The following TOP2B variants were observed in gnomAD, a reference collection of about 807,000 sequenced individuals.
TOP2B encodes the protein DNA topoisomerase 2-beta.
In TOP2B, 51 loss-of-function variants were observed where a neutral mutation model predicts 193.5. The observed-to-expected ratio is 0.26, with a 90% CI of 0.21 to 0.33. TOP2B has a LOEUF of 0.33. Among genes scored for constraint, TOP2B ranks in the 10% least tolerant of loss-of-function variants. The probability of loss-of-function intolerance (pLI) is 1.00; values close to 1 mark genes in which losing one functional copy is unlikely to be tolerated. For missense variants in TOP2B, 1,378 were observed against 1,909.3 expected, an observed-to-expected ratio of 0.72 and a Z score of 5.19; for synonymous variants, 634 against 635.7, an observed-to-expected ratio of 1.00 and a Z score of 0.04.
chr3:25,606,532 C>G (rs1702241735), intron 31 of TOP2B, among the ~76,000 whole-genome samples: 1 of 152,074 alleles, frequency 6.6e-6, no homozygotes, highest in Non-Finnish European at 1.5e-5. Flanking sequence ...AGGAAAAAGA[C>G]AGAATTCCCA....
intron 33 of TOP2B, among the ~76,000 whole-genome samples, chr3:25,603,377 T>C (rs911065215): frequency 6.6e-6 from 1 of 152,066 alleles, no homozygotes; most frequent in African/African-American, 2.4e-5. Context: ...TAGCTGGGAC[T>C]ACAGGCATGC....
chr3:25,606,539 C>G (rs1702241887), intron 31 of TOP2B, among the ~76,000 whole-genome samples: 1 of 152,060 alleles, frequency 6.6e-6, no homozygotes, highest in African/African-American at 2.4e-5. Context: ...AGACAGAATT[C>G]CCATCACACC....
intron 27 of TOP2B, 34 bp downstream of exon 27, chr3:25,615,171 T>TCA (rs1399629253): frequency 3.8e-6 from 6 of 1,565,338 alleles, no homozygotes; most frequent in Non-Finnish European, 5.2e-6. Context: ...AAACATGACT[T>TCA]TTCCAAATAA....
chr3:25,634,076 C>T, intron 7 of TOP2B, 62 bp from the exon 8 acceptor site: 1 of 1,252,630 alleles, frequency 8.0e-7, no homozygotes, highest in Non-Finnish European at 1.1e-6. Context: ...ATAGGTGAAT[C>T]ACCTTCAGTA....
intron 21 of TOP2B, among the ~76,000 whole-genome samples, chr3:25,623,083 G>T (rs575774206): frequency 3.3e-4 from 50 of 152,290 alleles, no homozygotes; most frequent in Middle Eastern, 3.4e-3. Flanking sequence ...CAGCCTTGGG[G>T]ATATATTAAA....
chr3:25,620,552 G>T, intron 22 of TOP2B, 130 bp downstream of exon 22: 2 of 884,952 alleles, frequency 2.3e-6, no homozygotes. Flanking sequence ...TCAACTGAAG[G>T]GTAAAAGAAG....
chr3:25,598,203 ACAT>A lies in TOP2B; in HGVS notation c.*101_*103del. 8.2e-7 allele frequency: 1 copy of A among 1,224,050 alleles called. No individual in the cohort carries two copies. The allele number at this position is 1,224,050 out of a possible 1,614,324, so 75.8% of individuals were successfully genotyped here. A position where few individuals can be genotyped will look rare whatever the true frequency, so the allele number is the denominator to read the frequency against. ...CCACAATAATAAAAAACCGTCAATT[ACAT>A]CATCACATTAAAATAAGCCAGATGT... On this transcript the variant is annotated 3_prime_UTR_variant, in exon 36 of 36. Transcript: ENST00000264331.
At chr3:25,602,825 T>C (rs1051268299) in intron 33 of TOP2B, among the ~76,000 whole-genome samples, 6 of 152,212 alleles carry the variant, frequency 3.9e-5, no homozygotes, top group African/African-American at 7.2e-5. Flanking sequence ...CTGTAAACTA[T>C]TGGAACTACA....
In TOP2B at chr3:25,626,847, C is replaced by T; in HGVS notation, c.2034G>A (p.Lys678=). 1 of 1,595,420 alleles carries T rather than the reference C, an allele frequency of 6.3e-7. No homozygotes were observed. Among genetic ancestry groups the T allele is most frequent in the Non-Finnish European group, 8.5e-7 (1 of 1,171,532 alleles). Residue 678 remains lysine, a synonymous_variant, in exon 17 of 36, where the codon AAG becomes AAA. Coordinates refer to ENST00000264331, the MANE Select transcript of TOP2B (RefSeq NM_001330700.2). ...TTAACCATTCTTTTCTGTCATCAAT[C>T]TTCTTCTTACTAAATGCCTGAAAGA... The part of the protein sequence containing the change: ...AAITLAFSKK[K]IDDRKEWLTN...
chr3:25,600,666 T>C (rs7624894), intron 34 of TOP2B, among the ~76,000 whole-genome samples: 30,951 of 152,168 alleles, frequency 0.2, 4,980 homozygotes, highest in African/African-American at 0.45. Flanking sequence ...GGGGATGCCA[T>C]GGAGAACTGG....
intron 7 of TOP2B, among the ~76,000 whole-genome samples, chr3:25,634,984 T>A (rs1364393102): frequency 1.3e-5 from 2 of 152,004 alleles, no homozygotes; most frequent in Non-Finnish European, 2.9e-5. Flanking sequence ...CTCCAAAGAC[T>A]GGGATGTAAT....
At chr3:25,637,373 T>A (rs1575579281) in intron 5 of TOP2B, 61 bp from the exon 6 acceptor site, 3 of 1,251,228 alleles carry the variant, frequency 2.4e-6, no homozygotes, top group East Asian at 5.1e-5. Context: ...ACTTCGTTAA[T>A]TTACCACCAT....
At chr3:25,631,171 C>T (rs1029311751) in intron 10 of TOP2B, among the ~76,000 whole-genome samples, 1 of 151,920 alleles carries the variant, frequency 6.6e-6, no homozygotes, top group Non-Finnish European at 1.5e-5. Context: ...ATATGAGAAA[C>T]ATTCTATTAT....
At chr3:25,646,871 T>G (rs1703429021) in intron 1 of TOP2B, among the ~76,000 whole-genome samples, 1 of 152,168 alleles carries the variant, frequency 6.6e-6, no homozygotes, top group Non-Finnish European at 1.5e-5. Context: ...AATTATAATT[T>G]CACAATGCAG....
chr3:25,637,396 T>C (rs1349592703), intron 5 of TOP2B, 84 bp from the exon 6 acceptor site: 2 of 917,564 alleles, frequency 2.2e-6, no homozygotes, highest in Non-Finnish European at 3.3e-6. Flanking sequence ...GGCAAGGCTG[T>C]TGCAAAACTG....
rs1336352789 is a variant in TOP2B, at chr3:25,599,530, C to G, written c.4616-1G>C. On this transcript the variant is annotated splice_acceptor_variant, in intron 34 of 35. Transcript: ENST00000264331. LOFTEE classifies it high-confidence loss of function. ...CTTTTCTTTGCCCCTCGGCCTTTAC[C>G]TTAAAATGATACAAAAGGTTTTTTC... 17 of 1,610,316 alleles carry G rather than the reference C, an allele frequency of 1.1e-5. No individual in the cohort carries two copies. Among genetic ancestry groups the G allele is most frequent in the Non-Finnish European group, 1.1e-5 (13 of 1,178,204 alleles).
At chr3:25,604,561 A>G (rs1702186562) in intron 33 of TOP2B, among the ~76,000 whole-genome samples, 199 bp downstream of exon 33, 1 of 152,230 alleles carries the variant, frequency 6.6e-6, no homozygotes, top group Non-Finnish European at 1.5e-5. Flanking sequence ...TATAATTACA[A>G]CAGCTTTAAA....
intron 1 of TOP2B, among the ~76,000 whole-genome samples, chr3:25,658,396 C>T (rs1411289356): frequency 6.6e-6 from 1 of 151,842 alleles, no homozygotes; most frequent in Non-Finnish European, 1.5e-5. Context: ...TAAACAATGC[C>T]AGCATCCAAT....
chr3:25,651,860 G>A (rs1293764214), intron 1 of TOP2B, among the ~76,000 whole-genome samples: 1 of 146,720 alleles, frequency 6.8e-6, no homozygotes. Flanking sequence ...GGGAGATTGT[G>A]TCTCAAAAAA....
Sources: allele counts gnomAD v4.1 joint callset (sites outside exome capture counted in the v4.1 genomes callset), GRCh38; gene constraint gnomAD v4.1.1; transcripts MANE v1.5; gene names NCBI Gene and HGNC (gene_info 2026-07-23, HGNC 2026-07-21).